The following TARBP1 variants were observed in gnomAD, a reference collection of about 807,000 sequenced individuals.
The protein encoded by TARBP1 is tRNA (guanosine(18)-2'-O)-methyltransferase TARBP1.
A neutral mutation model predicts 178.6 loss-of-function variants in TARBP1; 144 were observed. That is an observed-to-expected ratio of 0.81 (90% CI 0.70 to 0.93). TARBP1 has a LOEUF of 0.93. Among genes scored for constraint, TARBP1 ranks in the 40% least tolerant of loss-of-function variants. The pLI is 0.00. For missense variants in TARBP1, 2,067 were observed against 2,011.7 expected (o/e 1.03, Z -0.53); for synonymous variants, 787 against 781.0 (o/e 1.01, Z -0.13).
At chr1:234,447,394 C>CTTTTTTTTT (rs36066908) in intron 11 of TARBP1, among the ~76,000 whole-genome samples, 68 of 104,622 alleles carry the variant, frequency 6.5e-4, no homozygotes, top group African/African-American at 1.7e-3. Context: ...TGTTAACCAA[C>CTTTTTTTTT]TTTTTTTTTT....
At chr1:234,467,057 C>A (rs1668515108) in intron 4 of TARBP1, among the ~76,000 whole-genome samples, 1 of 152,166 alleles carries the variant, frequency 6.6e-6, no homozygotes, top group Non-Finnish European at 1.5e-5. Flanking sequence ...AGTACAGATT[C>A]TAATAAATAT....
At chr1:234,458,754 G>A (rs551247746) in intron 8 of TARBP1, among the ~76,000 whole-genome samples, 1 of 152,160 alleles carries the variant, frequency 6.6e-6, no homozygotes, top group African/African-American at 2.4e-5. Flanking sequence ...CAAGGCATAC[G>A]CTCCAAGAGT....
At chr1:234,447,888 T>C (rs1356448679) in intron 11 of TARBP1, among the ~76,000 whole-genome samples, 1 of 152,220 alleles carries the variant, frequency 6.6e-6, no homozygotes, top group Non-Finnish European at 1.5e-5. Context: ...ATTTCTAATA[T>C]TCTGATATAA....
At position 234,448,554 on chromosome 1, in the gene TARBP1, A is replaced by G; in HGVS notation, c.1887T>C (p.Asp629=). The change falls in exon 11 of 30, where the codon GAT becomes GAC. Residue 629 remains aspartate (D), a synonymous_variant. Transcript: ENST00000040877. The part of the protein sequence containing the change: ...WETGENCFMP[D]WFEAKLVSLM... ...GAGAAACAAGCTTGGCTTCAAACCA[A>G]TCAGGCATAAAGCAGTTTTCTCCTG... 1 of 1,614,056 alleles carries G rather than the reference A, an allele frequency of 6.2e-7. No homozygotes were observed. The highest frequency in any genetic ancestry group is 8.5e-7 in the Non-Finnish European group (1 of 1,180,010).
At chr1:234,454,237 T>TA (rs761226952) in intron 9 of TARBP1, among the ~76,000 whole-genome samples, 12 of 152,222 alleles carry the variant, frequency 7.9e-5, no homozygotes, top group Non-Finnish European at 1.6e-4. Flanking sequence ...AAGCTATGCC[T>TA]ACTAGCTGCA....
chr1:234,472,059 G>A (rs1402580634), intron 2 of TARBP1, among the ~76,000 whole-genome samples: 4 of 152,170 alleles, frequency 2.6e-5, no homozygotes, highest in South Asian at 2.1e-4. Context: ...AGTCCTGGAC[G>A]GGTGCGGTGG....
At chr1:234,467,365 A>G in intron 4 of TARBP1, 137 bp downstream of exon 4, 2 of 858,650 alleles carry the variant, frequency 2.3e-6, no homozygotes, top group South Asian at 5.7e-5. Flanking sequence ...TTTTCCAAAT[A>G]GGAAAGCTGG....
rs1193243958 is a variant in TARBP1, at chr1:234,393,795, T to G, written c.4286A>C (p.Asp1429Ala). 9.3e-6 allele frequency: 15 copies of G among 1,613,772 alleles called. No homozygotes were observed. Among genetic ancestry groups the G allele is most frequent in the Non-Finnish European group, 1.3e-5 (15 of 1,179,908 alleles). Residue 1429 changes from aspartate (D) to alanine (A), a missense_variant, in exon 27 of 30, where the codon GAC becomes GCC. Coordinates refer to ENST00000040877, the MANE Select transcript of TARBP1 (RefSeq NM_005646.4). Reference sequence around the variant, plus strand: ...CCACGGGATAATCTTCTTCTGAACGTCGGTCCACTCCGCTTGGTTATCTGC... The same window carrying G: ...CCACGGGATAATCTTCTTCTGAACGGCGGTCCACTCCGCTTGGTTATCTGC... ...VEADNQAEWTDVQKKIIPWNS... is the reference protein window; with the variant it reads ...VEADNQAEWTAVQKKIIPWNS...
chr1:234,433,262 A>T, intron 14 of TARBP1, 148 bp downstream of exon 14: 1 of 853,560 alleles, frequency 1.2e-6, no homozygotes, highest in Non-Finnish European at 1.8e-6. Context: ...TATCAATCTT[A>T]ACTACATCTT....
At position 234,457,748 on chromosome 1, in the gene TARBP1, C is replaced by T; in HGVS notation, c.1641G>A (p.Val547=). ...GAAAAGTTGAGACATCAGAAAGTGA[C>T]ACTTTCTCCTGGGCAGGGCAGGAAA... ...TAMNLLDVEK[V]SLSDVSTFLM... is the part of the protein sequence containing the mutation. Residue 547 remains valine (V), a synonymous_variant, in exon 9 of 30, where the codon GTG becomes GTA. Coordinates refer to ENST00000040877, the MANE Select transcript of TARBP1 (RefSeq NM_005646.4). 1.2e-6 allele frequency: 2 copies of T among 1,607,538 alleles called. No homozygotes were observed. The highest frequency in any genetic ancestry group is 1.1e-5 in the South Asian group (1 of 90,586).
chr1:234,474,713 C>T (rs1669420489), intron 1 of TARBP1, among the ~76,000 whole-genome samples: 1 of 150,930 alleles, frequency 6.6e-6, no homozygotes, highest in East Asian at 1.9e-4. Context: ...CTTCCAGGCT[C>T]GAATTCTACC....
Position 234,446,857 on chromosome 1 carries a change from G to A in TARBP1, c.2080C>T (p.Leu694=), listed in dbSNP as rs372614132. 1 of 1,613,940 alleles carries A rather than the reference G, an allele frequency of 6.2e-7. No homozygotes were observed. Among genetic ancestry groups the A allele is most frequent in the African/African-American group, 1.3e-5 (1 of 74,896 alleles). ...CATGTGTTCAACAGCTTCAACAGCAGCTGGAGGCATCTGTCAGTCTTCAGC... is the reference window on the plus strand; with the variant it reads ...CATGTGTTCAACAGCTTCAACAGCAACTGGAGGCATCTGTCAGTCTTCAGC... ...PLLKTDRCLQ[L]LLKLLNTCRL... is the part of the protein sequence containing the mutation. The change falls in exon 12 of 30, where the codon CTG becomes TTG. Residue 694 remains leucine (L), a synonymous_variant. Coordinates refer to ENST00000040877, the MANE Select transcript of TARBP1 (RefSeq NM_005646.4).
chr1:234,462,632 T>C (rs1315818959), intron 6 of TARBP1, among the ~76,000 whole-genome samples: 1 of 137,026 alleles, frequency 7.3e-6, no homozygotes, highest in African/African-American at 2.8e-5. Context: ...GAGGTTGCAG[T>C]GAGCTGAGAT....
At position 234,401,227 on chromosome 1, in the gene TARBP1, T is replaced by C; in HGVS notation, c.4025A>G (p.His1342Arg). 1 of 1,613,566 alleles carries C rather than the reference T, an allele frequency of 6.2e-7. No homozygotes were observed. The highest frequency in any genetic ancestry group is 8.5e-7 in the Non-Finnish European group (1 of 1,179,742). The part of the protein sequence containing the change: ...AKKNWQRIQE[H>R]FFFATFHPLK... ...TGGGTGAAATGTTGCAAAAAAGAAA[T>C]GCTCCTGAATGCGTTGCCAATTCTT... Residue 1342 changes from histidine to arginine, a missense_variant, in exon 25 of 30, where the codon CAT becomes CGT. Coordinates refer to ENST00000040877, the MANE Select transcript of TARBP1 (RefSeq NM_005646.4).
At position 234,460,250 on chromosome 1, in the gene TARBP1, G is replaced by T; in HGVS notation, c.1535+11C>A. Reference sequence around the variant, plus strand: ...AAATAACCATACAAGTACATATACAGAGTAAATTACCTGAGAGCAAGAAGC... The same window carrying T: ...AAATAACCATACAAGTACATATACATAGTAAATTACCTGAGAGCAAGAAGC... On this transcript the variant is annotated intron_variant, in intron 7 of 29. Coordinates refer to ENST00000040877, the MANE Select transcript of TARBP1 (RefSeq NM_005646.4). The T allele has an allele frequency of 6.2e-7, 1 of 1,611,620 alleles. No homozygotes were observed. Among genetic ancestry groups the T allele is most frequent in the Non-Finnish European group, 8.5e-7 (1 of 1,179,386 alleles).
At chr1:234,407,490 C>A (rs962329996) in intron 23 of TARBP1, 5 of 152,022 alleles carry the variant, frequency 3.3e-5, no homozygotes, top group Admixed American at 1.3e-4. Flanking sequence ...GCATGTACCA[C>A]CATGCCTGGC....
intron 12 of TARBP1, 38 bp from the exon 13 acceptor site, chr1:234,437,410 C>A: frequency 9.0e-7 from 1 of 1,110,674 alleles, no homozygotes; most frequent in Non-Finnish European, 1.3e-6. Flanking sequence ...AAAATGACAG[C>A]AGTTCTTTGG....
At chr1:234,449,838 G>T (rs905663547) in intron 10 of TARBP1, among the ~76,000 whole-genome samples, 1 of 152,124 alleles carries the variant, frequency 6.6e-6, no homozygotes, top group African/African-American at 2.4e-5. Flanking sequence ...GGAAGCATTA[G>T]GAATGTAAAA....
At chr1:234,419,576 G>A (rs1662856110) in intron 21 of TARBP1, among the ~76,000 whole-genome samples, 2 of 152,054 alleles carry the variant, frequency 1.3e-5, no homozygotes, top group Admixed American at 1.3e-4. Context: ...TTGCAGGTGT[G>A]CCCGCTCGGA....
Sources: gnomAD v4.1 joint callset for allele counts (sites outside exome capture counted in the v4.1 genomes callset) on GRCh38, gnomAD v4.1.1 for gene constraint, MANE v1.5 for transcripts, NCBI Gene and HGNC (gene_info 2026-07-23, HGNC 2026-07-21) for gene names.